LRRC4C: variants seen among roughly 807,000 people sequenced by gnomAD.
LRRC4C encodes leucine-rich repeat-containing protein 4C.
A neutral mutation model predicts 33.6 loss-of-function variants in LRRC4C; 5 were observed. That is an observed-to-expected ratio of 0.15 (90% CI 0.08 to 0.31). LRRC4C has a LOEUF of 0.31. LRRC4C is among the 10% of genes least tolerant of loss of function. The pLI is 1.00. For synonymous variants in LRRC4C, 329 were observed against 302.0 expected, an observed-to-expected ratio of 1.09 and a Z score of -0.93; for missense variants, 560 against 796.7, an observed-to-expected ratio of 0.70 and a Z score of 3.58.
chr11:40,448,947 G>A (rs1951764364), intron 3 of LRRC4C, among the ~76,000 whole-genome samples: 1 of 152,140 alleles, frequency 6.6e-6, no homozygotes, highest in Admixed American at 6.5e-5. Context: ...CATTCTAACT[G>A]GCATGAAATG....
chr11:40,669,919 C>T (rs1022751332), intron 2 of LRRC4C, among the ~76,000 whole-genome samples: 2 of 152,166 alleles, frequency 1.3e-5, no homozygotes, highest in African/African-American at 4.8e-5. Context: ...AAAATCACTG[C>T]TCATAAAATA....
intron 1 of LRRC4C, among the ~76,000 whole-genome samples, chr11:40,978,427 G>T (rs1436675283): frequency 6.6e-6 from 1 of 152,114 alleles, no homozygotes; most frequent in Non-Finnish European, 1.5e-5. Context: ...AATATTTGGA[G>T]ACAATTTTGA....
chr11:41,368,379 T>C (rs1397189374), intron 1 of LRRC4C, among the ~76,000 whole-genome samples: 9 of 152,190 alleles, frequency 5.9e-5, no homozygotes, highest in Admixed American at 5.9e-4. Flanking sequence ...AAGACTTGAA[T>C]AGAACACCTG....
chr11:40,543,079 A>G (rs1484319112), intron 3 of LRRC4C, among the ~76,000 whole-genome samples: 1 of 152,150 alleles, frequency 6.6e-6, no homozygotes, highest in African/African-American at 2.4e-5. Flanking sequence ...GGCATATACC[A>G]TGGTCAACAT....
chr11:40,742,579 G>GA (rs1948209532), intron 2 of LRRC4C, among the ~76,000 whole-genome samples: 2 of 152,000 alleles, frequency 1.3e-5, no homozygotes. Context: ...GGGCTCCAGA[G>GA]AAACTAAGAA....
At chr11:40,934,945 C>A (rs770046457) in intron 1 of LRRC4C, among the ~76,000 whole-genome samples, 16 of 152,254 alleles carry the variant, frequency 1.1e-4, no homozygotes, top group African/African-American at 3.8e-4. Flanking sequence ...AACATCCTAC[C>A]ATTATCTTAT....
At chr11:40,309,540 C>A (rs1360867635) in intron 4 of LRRC4C, among the ~76,000 whole-genome samples, 1 of 144,840 alleles carries the variant, frequency 6.9e-6, no homozygotes, top group Non-Finnish European at 1.5e-5. Context: ...GAGACAGTAT[C>A]TTGCTCTGTT....
At chr11:40,511,197 C>T (rs1955298060) in intron 3 of LRRC4C, among the ~76,000 whole-genome samples, 1 of 152,064 alleles carries the variant, frequency 6.6e-6, no homozygotes, top group Non-Finnish European at 1.5e-5. Flanking sequence ...ACACAGAAAG[C>T]CCACAATGGT....
intron 1 of LRRC4C, among the ~76,000 whole-genome samples, chr11:41,421,592 T>C (rs1347228835): frequency 6.6e-6 from 1 of 152,068 alleles, no homozygotes; most frequent in East Asian, 1.9e-4. Flanking sequence ...CAAATGTCTC[T>C]TGCTAAATGT....
At chr11:40,135,975 T>G (rs968267043) in intron 6 of LRRC4C, among the ~76,000 whole-genome samples, 7 of 152,298 alleles carry the variant, frequency 4.6e-5, no homozygotes, top group Middle Eastern at 6.8e-3. Context: ...GCACCTGACA[T>G]GTGAGCAGAA....
chr11:40,588,600 T>A (rs1170366318), intron 3 of LRRC4C, among the ~76,000 whole-genome samples: 1 of 151,930 alleles, frequency 6.6e-6, no homozygotes, highest in Non-Finnish European at 1.5e-5. Context: ...TCCTGCTTTC[T>A]CTTGTGGGTA....
At chr11:41,059,816 G>A (rs1186951014) in intron 1 of LRRC4C, among the ~76,000 whole-genome samples, 1 of 152,108 alleles carries the variant, frequency 6.6e-6, no homozygotes, top group Non-Finnish European at 1.5e-5. Context: ...CTTGAGGTCA[G>A]GAGTTTCAGA....
intron 1 of LRRC4C, among the ~76,000 whole-genome samples, chr11:40,941,160 T>C (rs1958125713): frequency 6.6e-6 from 1 of 152,086 alleles, no homozygotes; most frequent in Non-Finnish European, 1.5e-5. Context: ...TTATTTTTTG[T>C]TGCAATAAAA....
intron 1 of LRRC4C, among the ~76,000 whole-genome samples, chr11:41,091,944 C>T (rs943953337): frequency 3.3e-5 from 5 of 151,812 alleles, no homozygotes; most frequent in Non-Finnish European, 5.9e-5. Flanking sequence ...ACAATATTGC[C>T]TATAAGGAAT....
At chr11:40,223,628 A>G (rs1864575140) in intron 5 of LRRC4C, among the ~76,000 whole-genome samples, 1 of 152,174 alleles carries the variant, frequency 6.6e-6, no homozygotes, top group African/African-American at 2.4e-5. Context: ...AATGTTTCAA[A>G]ATTGCCTTTC....
chr11:40,971,281 T>A (rs1222305666), intron 1 of LRRC4C, among the ~76,000 whole-genome samples: 1 of 152,192 alleles, frequency 6.6e-6, no homozygotes, highest in African/African-American at 2.4e-5. Flanking sequence ...GCCCAGGGCC[T>A]CTCTGCCCTG....
intron 1 of LRRC4C, among the ~76,000 whole-genome samples, chr11:40,981,047 A>T (rs115829363): frequency 0.015 from 2,211 of 152,328 alleles, 58 homozygotes; most frequent in African/African-American, 0.051. Flanking sequence ...GAGATTAAAT[A>T]ACATGCCTAA....
At chr11:40,213,138 C>T (rs1863726960) in intron 5 of LRRC4C, among the ~76,000 whole-genome samples, 1 of 152,102 alleles carries the variant, frequency 6.6e-6, no homozygotes, top group Non-Finnish European at 1.5e-5. Context: ...CAGAATGCAG[C>T]TGGGCCAATA....
At chr11:41,021,295 A>T (rs1590263186) in intron 1 of LRRC4C, among the ~76,000 whole-genome samples, 1 of 11,806 alleles carries the variant, frequency 8.5e-5, no homozygotes, top group Admixed American at 5.9e-4. Flanking sequence ...CCAAGAAATA[A>T]AAAAAAAAAA....
Sources: gnomAD v4.1 joint callset for allele counts (sites outside exome capture counted in the v4.1 genomes callset) on GRCh38, gnomAD v4.1.1 for gene constraint, MANE v1.5 for transcripts, NCBI Gene and HGNC (gene_info 2026-07-23, HGNC 2026-07-21) for gene names.